The following PRKCA variants were observed in gnomAD, a reference collection of about 807,000 sequenced individuals.
PRKCA encodes the protein protein kinase C alpha, also known as protein kinase C alpha type.
PRKCA carries 27 observed loss-of-function variants against 87.0 expected under a neutral mutation model. The observed-to-expected ratio is 0.31, with a 90% CI of 0.23 to 0.43. The LOEUF (loss-of-function observed/expected upper bound fraction) is 0.43, where lower values mean the gene tolerates loss of function less well. PRKCA is among the 20% of genes least tolerant of loss of function. The pLI is 1.00. For missense variants in PRKCA, 518 were observed against 852.3 expected (o/e 0.61, Z 4.88); for synonymous variants, 329 against 311.1 (o/e 1.06, Z -0.61).
chr17:66,634,165 C>A (rs892338166), intron 3 of PRKCA, among the ~76,000 whole-genome samples: 4 of 152,148 alleles, frequency 2.6e-5, no homozygotes, highest in African/African-American at 9.7e-5. Context: ...GAGAAACAGG[C>A]CAGCGGATGC....
chr17:66,483,063 G>A (rs1915851861), intron 2 of PRKCA, among the ~76,000 whole-genome samples: 1 of 152,188 alleles, frequency 6.6e-6, no homozygotes, highest in South Asian at 2.1e-4. Flanking sequence ...GTCCCGTAGA[G>A]CTGTCGGGGA....
At chr17:66,649,223 C>A (rs73344611) in intron 5 of PRKCA, among the ~76,000 whole-genome samples, 2,029 of 152,324 alleles carry the variant, frequency 0.013, 40 homozygotes, top group African/African-American at 0.047. Flanking sequence ...ACAAGTGGTA[C>A]TAAGCAGAGC....
intron 2 of PRKCA, among the ~76,000 whole-genome samples, chr17:66,409,062 G>T (rs904341401): frequency 1.1e-4 from 16 of 140,486 alleles, no homozygotes; most frequent in South Asian, 4.7e-4. Flanking sequence ...AAAAGAAGAA[G>T]AATAAATAGT....
intron 13 of PRKCA, among the ~76,000 whole-genome samples, chr17:66,769,317 C>T (rs1405486046): frequency 6.6e-6 from 1 of 150,964 alleles, no homozygotes; most frequent in Non-Finnish European, 1.5e-5. Context: ...GATTATGCCA[C>T]TGCCTTCCAG....
chr17:66,701,199 G>T (rs1032873956), intron 8 of PRKCA, among the ~76,000 whole-genome samples: 1 of 152,082 alleles, frequency 6.6e-6, no homozygotes. Context: ...ATAAAGCAAG[G>T]ATAGTCTCTT....
intron 5 of PRKCA, among the ~76,000 whole-genome samples, chr17:66,652,771 G>A (rs1323254606): frequency 6.6e-6 from 1 of 152,166 alleles, no homozygotes; most frequent in East Asian, 1.9e-4. Context: ...GTCATTCTTG[G>A]CTAGAAGGAA....
chr17:66,317,270 G>A (rs1239914275), intron 2 of PRKCA, among the ~76,000 whole-genome samples: 1 of 152,204 alleles, frequency 6.6e-6, no homozygotes, highest in East Asian at 1.9e-4. Flanking sequence ...TCGGGCTGAT[G>A]TGTTTTCACC....
chr17:66,725,659 A>G (rs1186743646), intron 8 of PRKCA, among the ~76,000 whole-genome samples: 1 of 151,862 alleles, frequency 6.6e-6, no homozygotes, highest in African/African-American at 2.4e-5. Flanking sequence ...AAAAAAAAAA[A>G]ATTAGCTGGG....
At chr17:66,785,866 T>C (rs996100203) in intron 14 of PRKCA, among the ~76,000 whole-genome samples, 4 of 152,232 alleles carry the variant, frequency 2.6e-5, no homozygotes, top group Non-Finnish European at 4.4e-5. Context: ...TCTCGCTCTG[T>C]CACCCAGGCT....
At position 66,496,274 on chromosome 17, in the gene PRKCA, C is replaced by T. The variant is rs750302415; in HGVS notation, c.279C>T (p.Pro93=). The part of the protein sequence containing the change: ...TFSCPGADKG[P]DTDDPRSKHK... ...CTTGTCCGGGTGCGGATAAGGGACC[C>T]GACACTGATGTAAGTAGTCCTGAAA... The change falls in exon 3 of 17, where the codon CCC becomes CCT. Residue 93 remains proline (P), a synonymous_variant. Coordinates refer to ENST00000413366, the MANE Select transcript of PRKCA (RefSeq NM_002737.3). 5.6e-6 allele frequency: 9 copies of T among 1,612,836 alleles called. No individual in the cohort carries two copies. The highest frequency in any genetic ancestry group is 3.3e-5 in the South Asian group (3 of 91,042).
chr17:66,536,674 G>T (rs1967796804), intron 3 of PRKCA, among the ~76,000 whole-genome samples: 1 of 152,130 alleles, frequency 6.6e-6, no homozygotes, highest in Non-Finnish European at 1.5e-5. Flanking sequence ...TATCAATGAT[G>T]GTGGTTATCA....
intron 8 of PRKCA, among the ~76,000 whole-genome samples, chr17:66,728,338 C>A (rs1034853236): frequency 6.6e-6 from 1 of 152,198 alleles, no homozygotes; most frequent in African/African-American, 2.4e-5. Flanking sequence ...CCCCACACAC[C>A]GGTCTGTCTC....
intron 2 of PRKCA, among the ~76,000 whole-genome samples, chr17:66,344,832 C>G (rs1907260016): frequency 6.6e-6 from 1 of 152,190 alleles, no homozygotes; most frequent in Non-Finnish European, 1.5e-5. Context: ...CTTGCGCGAT[C>G]TCGGCTCACT....
At position 66,807,743 on chromosome 17, in the gene PRKCA, C is replaced by A. The variant is rs1181869111; in HGVS notation, c.*3706C>A. The A allele has an allele frequency of 2.0e-5, 3 of 152,218 alleles. No individual in the cohort carries two copies. Among genetic ancestry groups the A allele is most frequent in the African/African-American group, 7.2e-5 (3 of 41,438 alleles). The allele number at this position is 152,218 out of a possible 1,614,324, so 9.4% of individuals were successfully genotyped here. On this transcript the variant is annotated 3_prime_UTR_variant, in exon 17 of 17. Transcript: ENST00000413366. The surrounding 1 kb of genome is among the most constrained non-coding windows in gnomAD (Gnocchi z 4.3). ...TTGAGCACCTCTCGGAGCCAAAGTC[C>A]TTAGGCGAGTGTGGTGACTTCCTGG...
At chr17:66,517,843 CT>C (rs1567871448) in intron 3 of PRKCA, among the ~76,000 whole-genome samples, 1 of 152,150 alleles carries the variant, frequency 6.6e-6, no homozygotes, top group African/African-American at 2.4e-5. Context: ...GCAGTTTCTG[CT>C]TATCAGTTTA....
chr17:66,419,076 T>C (rs777441268), intron 2 of PRKCA, among the ~76,000 whole-genome samples: 1 of 152,084 alleles, frequency 6.6e-6, no homozygotes, highest in Non-Finnish European at 1.5e-5. Context: ...TTTTTGAGTG[T>C]TTTTCTTTCT....
intron 13 of PRKCA, among the ~76,000 whole-genome samples, chr17:66,762,182 T>C (rs1220882996): frequency 6.6e-6 from 1 of 152,224 alleles, no homozygotes; most frequent in African/African-American, 2.4e-5. Context: ...CATTTGAGTG[T>C]TTAACATATA....
At chr17:66,728,885 T>A (rs1359410109) in intron 8 of PRKCA, among the ~76,000 whole-genome samples, 2 of 152,242 alleles carry the variant, frequency 1.3e-5, no homozygotes, top group African/African-American at 4.8e-5. Flanking sequence ...GTTGGTAGTA[T>A]GAACCGCAAC....
intron 3 of PRKCA, chr17:66,640,861 A>G: frequency 2.4e-6 from 1 of 423,226 alleles, no homozygotes. Context: ...GGTATTCATT[A>G]TATTAAAACA....
Sources: allele counts gnomAD v4.1 joint callset (sites outside exome capture counted in the v4.1 genomes callset), GRCh38; gene constraint gnomAD v4.1.1; non-coding constraint Gnocchi (gnomAD v3.1); transcripts MANE v1.5; gene names NCBI Gene and HGNC (gene_info 2026-07-23, HGNC 2026-07-21).